Variants in PKIA observed in about 807,000 individuals in gnomAD.
PKIA encodes PKI-alpha.
Under a neutral mutation model 7.6 loss-of-function variants are expected in PKIA, and 4 were observed. That is an observed-to-expected ratio of 0.52 (90% CI 0.26 to 1.20). The LOEUF (loss-of-function observed/expected upper bound fraction) is 1.20, where lower values mean the gene tolerates loss of function less well. Among genes scored for constraint, PKIA ranks in the 50% most tolerant of loss-of-function variants. The pLI is 0.13. For synonymous variants in PKIA, 21 were observed against 30.7 expected, an observed-to-expected ratio of 0.68 and a Z score of 1.04; for missense variants, 73 against 86.2, an observed-to-expected ratio of 0.85 and a Z score of 0.61.
At chr8:78,543,068 A>G (rs1229387985) in intron 1 of PKIA, among the ~76,000 whole-genome samples, 1 of 152,184 alleles carries the variant, frequency 6.6e-6, no homozygotes, top group East Asian at 1.9e-4. Context: ...AGAAATGTAC[A>G]CGCAAATATA....
intron 1 of PKIA, among the ~76,000 whole-genome samples, chr8:78,522,329 C>A (rs1167861227): frequency 6.6e-6 from 1 of 151,832 alleles, no homozygotes; most frequent in African/African-American, 2.4e-5. Flanking sequence ...GTATATTAAT[C>A]CATATGTCTT....
intron 2 of PKIA, among the ~76,000 whole-genome samples, chr8:78,575,636 C>T (rs1222444147): frequency 1.3e-5 from 2 of 151,986 alleles, no homozygotes; most frequent in African/African-American, 4.8e-5. Context: ...TGTGTAACCA[C>T]GATTAGAACT....
intron 1 of PKIA, among the ~76,000 whole-genome samples, chr8:78,546,987 AT>A (rs1806839590): frequency 6.6e-6 from 1 of 152,238 alleles, no homozygotes; most frequent in Admixed American, 6.5e-5. Flanking sequence ...GACTATTCTA[AT>A]AAGTTAAAAA....
At chr8:78,524,012 ATATATAAACGTTTATATAAACGTT>A (rs1277429301) in intron 1 of PKIA, among the ~76,000 whole-genome samples, 2 of 124,402 alleles carry the variant, frequency 1.6e-5, no homozygotes, top group Non-Finnish European at 3.3e-5. Context: ...ATATATAAAT[ATATATAAACGTTTATATAAACGTT>A]TATATATATA....
At position 78,526,118 on chromosome 8, in the gene PKIA, C is replaced by A. The variant is rs367798754; in HGVS notation, c.-157+9650C>A. On this transcript the variant is annotated intron_variant, in intron 1 of 3. Transcript: ENST00000396418. ...CCAGACCTCATTACTACATCTTTTC[C>A]CAAATGTTCATGAATTATTTTTTCT... 6.6e-5 allele frequency among the ~76,000 whole-genome samples: 10 copies of A among 151,968 alleles called. 1 individual carries two copies. In the East Asian group the frequency reaches 9.7e-4, roughly 15 times the overall value.
chr8:78,548,450 A>T (rs1421923127), intron 1 of PKIA, among the ~76,000 whole-genome samples: 1 of 152,144 alleles, frequency 6.6e-6, no homozygotes, highest in Non-Finnish European at 1.5e-5. Context: ...GTATTACAGG[A>T]TCTTTGCATA....
chr8:78,551,809 A>G (rs1245101785), intron 1 of PKIA, among the ~76,000 whole-genome samples: 1 of 151,992 alleles, frequency 6.6e-6, no homozygotes, highest in African/African-American at 2.4e-5. Context: ...TATTTAAAAC[A>G]TTCTCTGTGA....
intron 2 of PKIA, among the ~76,000 whole-genome samples, chr8:78,596,316 T>G (rs1010975697): frequency 6.6e-6 from 1 of 152,184 alleles, no homozygotes; most frequent in Non-Finnish European, 1.5e-5. Flanking sequence ...CTCACCTCAC[T>G]GTGATCTCCG....
intron 2 of PKIA, among the ~76,000 whole-genome samples, chr8:78,589,301 T>C (rs572556984): frequency 4.6e-5 from 7 of 152,284 alleles, no homozygotes; most frequent in African/African-American, 1.4e-4. Flanking sequence ...AGAAATTGTT[T>C]TTATTAGGGA....
chr8:78,571,210 A>C (rs761864854), intron 1 of PKIA, among the ~76,000 whole-genome samples: 13 of 151,730 alleles, frequency 8.6e-5, no homozygotes, highest in Non-Finnish European at 1.5e-4. Flanking sequence ...TTAGACACTT[A>C]GGACCTTTGA....
chr8:78,569,571 C>A (rs35851166), intron 1 of PKIA, among the ~76,000 whole-genome samples: 37,025 of 151,862 alleles, frequency 0.24, 5,203 homozygotes, highest in African/African-American at 0.39. Context: ...GAGTCATATA[C>A]TACTCATAAT....
intron 1 of PKIA, among the ~76,000 whole-genome samples, chr8:78,564,876 A>G (rs1807367340): frequency 6.6e-6 from 1 of 151,956 alleles, no homozygotes; most frequent in African/African-American, 2.4e-5. Context: ...CAGCCTTGTG[A>G]CAACTATGTA....
At chr8:78,564,781 A>G (rs1210888305) in intron 1 of PKIA, among the ~76,000 whole-genome samples, 1 of 151,944 alleles carries the variant, frequency 6.6e-6, no homozygotes, top group Non-Finnish European at 1.5e-5. Flanking sequence ...AATTAGTAGA[A>G]AATTACAGTC....
At chr8:78,563,321 G>C (rs1305742007) in intron 1 of PKIA, among the ~76,000 whole-genome samples, 2 of 152,098 alleles carry the variant, frequency 1.3e-5, no homozygotes, top group Non-Finnish European at 2.9e-5. Context: ...TTAGAATAGT[G>C]TCTTGCATCT....
At chr8:78,597,280 T>C (rs1808247048) in intron 2 of PKIA, among the ~76,000 whole-genome samples, 2 of 152,194 alleles carry the variant, frequency 1.3e-5, no homozygotes, top group African/African-American at 4.8e-5. Flanking sequence ...GTATGGCCAT[T>C]TTAATGATAG....
At position 78,535,567 on chromosome 8, in the gene PKIA, GAAGA is replaced by G. The variant is rs1450088137; in HGVS notation, c.-157+19105_-157+19108del. 3 of 152,010 alleles carry G rather than the reference GAAGA, an allele frequency of 2.0e-5. No individual in the cohort carries two copies. In the East Asian group the frequency reaches 5.8e-4, roughly 29 times the overall value. 9.4% of individuals were successfully genotyped at this position (152,010 alleles called of 1,614,324 possible). ...TGAAACAAAACTGCTGGGGGAGGAG[GAAGA>G]AAGAACTATGAATCACTAAGCCAGC... On this transcript the variant is annotated intron_variant, in intron 1 of 3. Transcript: ENST00000396418.
At chr8:78,563,126 A>G (rs1335230578) in intron 1 of PKIA, among the ~76,000 whole-genome samples, 1 of 152,146 alleles carries the variant, frequency 6.6e-6, no homozygotes, top group Non-Finnish European at 1.5e-5. Context: ...CCAATCTGTG[A>G]GACATTATTT....
chr8:78,580,722 G>T (rs1370539499), intron 2 of PKIA, among the ~76,000 whole-genome samples: 1 of 152,000 alleles, frequency 6.6e-6, no homozygotes, highest in African/African-American at 2.4e-5. Flanking sequence ...AAAATACAGG[G>T]AGATTGATCT....
intron 1 of PKIA, among the ~76,000 whole-genome samples, chr8:78,517,587 G>C (rs1809339608): frequency 6.6e-6 from 1 of 152,116 alleles, no homozygotes; most frequent in African/African-American, 2.4e-5. Context: ...TTTCCTCGTA[G>C]GCAGTCAGAA....
Sources: gnomAD v4.1 joint callset for allele counts (sites outside exome capture counted in the v4.1 genomes callset) on GRCh38, gnomAD v4.1.1 for gene constraint, MANE v1.5 for transcripts, NCBI Gene and HGNC (gene_info 2026-07-23, HGNC 2026-07-21) for gene names.